MBD5: variants seen among roughly 807,000 people sequenced by gnomAD.
MBD5 encodes methyl-CpG binding domain protein 5, also known as methyl-CpG-binding domain protein 5.
MBD5 carries 13 observed loss-of-function variants against 117.3 expected under a neutral mutation model. The ratio of observed to expected loss-of-function variants is 0.11; its 90% CI spans 0.07 to 0.18. The LOEUF (loss-of-function observed/expected upper bound fraction) is 0.18. Among genes scored for constraint, MBD5 ranks in the 10% least tolerant of loss-of-function variants. The pLI, the probability that MBD5 is intolerant of heterozygous loss-of-function variation, is 1.00. For missense variants in MBD5, 1,879 were observed against 2,093.8 expected (o/e 0.90, Z 2.00); for synonymous variants, 727 against 766.4 (o/e 0.95, Z 0.85).
chr2:148,431,004 TAC>T (rs1339807057), intron 4 of MBD5, among the ~76,000 whole-genome samples: 1 of 152,114 alleles, frequency 6.6e-6, no homozygotes, highest in Non-Finnish European at 1.5e-5. Context: ...CTGATTGGAG[TAC>T]AGTCTGTCTT....
At chr2:148,452,280 G>A (rs1706751123) in intron 4 of MBD5, among the ~76,000 whole-genome samples, 1 of 152,088 alleles carries the variant, frequency 6.6e-6, no homozygotes. Flanking sequence ...AGGATCATTT[G>A]AGCTCAGGAG....
At chr2:148,049,798 A>G (rs560235889) in intron 1 of MBD5, among the ~76,000 whole-genome samples, 4 of 152,284 alleles carry the variant, frequency 2.6e-5, no homozygotes, top group Non-Finnish European at 5.9e-5. Flanking sequence ...GACATTTCAT[A>G]TAAATGAATT....
At chr2:148,137,543 T>C (rs1439463880) in intron 1 of MBD5, among the ~76,000 whole-genome samples, 1 of 152,164 alleles carries the variant, frequency 6.6e-6, no homozygotes, top group Admixed American at 6.5e-5. Flanking sequence ...GAAGATCGCT[T>C]GAGGCCAGGA....
chr2:148,268,957 ACACT>A (rs1700920126), intron 3 of MBD5, among the ~76,000 whole-genome samples: 3 of 152,024 alleles, frequency 2.0e-5, no homozygotes, highest in African/African-American at 4.8e-5. Context: ...CATAGAATAG[ACACT>A]CAGTAAATAT....
At chr2:148,098,841 A>C (rs1363550938) in intron 1 of MBD5, among the ~76,000 whole-genome samples, 1 of 152,096 alleles carries the variant, frequency 6.6e-6, no homozygotes, top group Admixed American at 6.6e-5. Flanking sequence ...GCTTGAACCC[A>C]GGAGTTCAAG....
chr2:148,233,519 G>A (rs956416809), intron 3 of MBD5, 124 bp downstream of exon 3: 1 of 152,128 alleles, frequency 6.6e-6, no homozygotes, highest in African/African-American at 2.4e-5. Context: ...ATGTATGCAT[G>A]TCTTTTTCTT....
At chr2:148,226,359 G>A (rs1254403415) in intron 2 of MBD5, among the ~76,000 whole-genome samples, 1 of 151,972 alleles carries the variant, frequency 6.6e-6, no homozygotes, top group Non-Finnish European at 1.5e-5. Context: ...GAGAACATGT[G>A]GTGTTTGGTT....
At chr2:148,343,985 A>G (rs1391658112) in intron 4 of MBD5, among the ~76,000 whole-genome samples, 1 of 152,008 alleles carries the variant, frequency 6.6e-6, no homozygotes, top group Non-Finnish European at 1.5e-5. Flanking sequence ...TAATTTTTGT[A>G]TATAGTGAAA....
chr2:148,291,652 A>G (rs565474640), intron 3 of MBD5, among the ~76,000 whole-genome samples: 1 of 152,228 alleles, frequency 6.6e-6, no homozygotes, highest in South Asian at 2.1e-4. Context: ...GCTTTCTTAT[A>G]TATAAAATCA....
chr2:148,497,688 G>A (rs1681743550), intron 11 of MBD5, among the ~76,000 whole-genome samples: 1 of 151,764 alleles, frequency 6.6e-6, no homozygotes, highest in Non-Finnish European at 1.5e-5. Context: ...GGAAGACTGA[G>A]GTGGGAGGAT....
At chr2:148,496,090 G>T (rs796979950) in intron 11 of MBD5, among the ~76,000 whole-genome samples, 5 of 152,260 alleles carry the variant, frequency 3.3e-5, no homozygotes, top group African/African-American at 1.2e-4. Context: ...AATGTTCTTG[G>T]TGTATTCACT....
chr2:148,266,290 A>C (rs184361577), intron 3 of MBD5, among the ~76,000 whole-genome samples: 2 of 152,114 alleles, frequency 1.3e-5, no homozygotes, highest in African/African-American at 2.4e-5. Context: ...TAAAGGAGAA[A>C]AACCATATGG....
rs147281398 is a variant in MBD5, at chr2:148,345,652, T to C, written c.-557+3316T>C. Among the ~76,000 whole-genome samples, 339 of 140,416 alleles carry C rather than the reference T, an allele frequency of 2.4e-3. 1 individual carries two copies. The highest frequency in any genetic ancestry group is 4.7e-3 in the African/African-American group (175 of 37,458). 92.1% of individuals were successfully genotyped at this position (140,416 alleles called of 152,430 possible). ...ATACATATGTATATACACGTATACA[T>C]ATACATATGTATATACATATATAAA... On this transcript the variant is annotated intron_variant, in intron 4 of 13. Coordinates refer to ENST00000642680, the MANE Select transcript of MBD5 (RefSeq NM_001378120.1).
intron 4 of MBD5, chr2:148,346,880 ATT>A (rs1427495085): frequency 6.6e-6 from 1 of 151,030 alleles, no homozygotes; most frequent in Non-Finnish European, 1.5e-5. Flanking sequence ...CCTTGGCTTT[ATT>A]TTAAAAAAAA....
At chr2:148,203,135 G>C (rs932936016) in intron 2 of MBD5, among the ~76,000 whole-genome samples, 3 of 148,072 alleles carry the variant, frequency 2.0e-5, no homozygotes, top group African/African-American at 7.4e-5. Context: ...GTAAACTAAT[G>C]AATTTTTAAT....
intron 3 of MBD5, among the ~76,000 whole-genome samples, chr2:148,294,325 C>A (rs1230070662): frequency 1.4e-5 from 2 of 143,324 alleles, no homozygotes; most frequent in African/African-American, 5.2e-5. Flanking sequence ...CCCGGGTTCA[C>A]GCCATTCTCC....
chr2:148,205,394 T>A (rs1045771172), intron 2 of MBD5, among the ~76,000 whole-genome samples: 1 of 152,142 alleles, frequency 6.6e-6, no homozygotes, highest in Middle Eastern at 3.2e-3. Context: ...TCATCTTTAA[T>A]ACTTGGAAGT....
intron 1 of MBD5, among the ~76,000 whole-genome samples, chr2:148,090,175 G>A (rs547392924): frequency 5.9e-5 from 9 of 151,922 alleles, no homozygotes; most frequent in East Asian, 3.9e-4. Context: ...AACAACTAGC[G>A]AGATTGAAAC....
At chr2:148,310,314 A>G (rs1319833981) in intron 3 of MBD5, among the ~76,000 whole-genome samples, 1 of 152,120 alleles carries the variant, frequency 6.6e-6, no homozygotes, top group African/African-American at 2.4e-5. Flanking sequence ...TACTGCCTCA[A>G]TTTCAGAACT....
Sources: gnomAD v4.1 joint callset for allele counts (sites outside exome capture counted in the v4.1 genomes callset) on GRCh38, gnomAD v4.1.1 for gene constraint, MANE v1.5 for transcripts, NCBI Gene and HGNC (gene_info 2026-07-23, HGNC 2026-07-21) for gene names.